Variants in MED13L observed in about 807,000 individuals in gnomAD.
The protein encoded by MED13L is mediator of RNA polymerase II transcription subunit 13-like.
In MED13L, 7 loss-of-function variants were observed where a neutral mutation model predicts 220.9. The ratio of observed to expected loss-of-function variants is 0.03; its 90% confidence interval spans 0.02 to 0.06. The LOEUF (loss-of-function observed/expected upper bound fraction) is 0.06. Among genes scored for constraint, MED13L ranks in the 10% least tolerant of loss-of-function variants. The pLI, the probability that MED13L is intolerant of heterozygous loss-of-function variation, is 1.00. For synonymous variants in MED13L, 1,011 were observed against 1,015.2 expected (o/e 1.00, Z 0.08); for missense variants, 1,965 against 2,760.5 (o/e 0.71, Z 6.46).
chr12:116,071,167 CTG>C (rs1419360021), intron 4 of MED13L, among the ~76,000 whole-genome samples: 1 of 151,766 alleles, frequency 6.6e-6, no homozygotes, highest in East Asian at 1.9e-4. Flanking sequence ...TTGAAGAAAA[CTG>C]AAAAATACCA....
chr12:116,106,660 C>T (rs762936307), intron 3 of MED13L, among the ~76,000 whole-genome samples: 16 of 152,192 alleles, frequency 1.1e-4, no homozygotes, highest in Non-Finnish European at 2.2e-4. Context: ...GCCTGGCCAA[C>T]ATGGTGATAC....
At chr12:116,247,173 T>C (rs1477903515) in intron 1 of MED13L, among the ~76,000 whole-genome samples, 1 of 152,084 alleles carries the variant, frequency 6.6e-6, no homozygotes, top group Non-Finnish European at 1.5e-5. Flanking sequence ...AATACTGTTC[T>C]TATAAACCTT....
chr12:116,269,569 A>G (rs987982347), intron 1 of MED13L, among the ~76,000 whole-genome samples: 5 of 152,116 alleles, frequency 3.3e-5, no homozygotes, highest in African/African-American at 1.2e-4. Context: ...GCTCATGCCA[A>G]TAATCCCAAC....
At chr12:116,175,637 C>T (rs955932227) in intron 2 of MED13L, among the ~76,000 whole-genome samples, 23 of 152,042 alleles carry the variant, frequency 1.5e-4, no homozygotes, top group African/African-American at 5.6e-4. Context: ...AGGCTAAAAA[C>T]AAGGAGACAA....
intron 2 of MED13L, among the ~76,000 whole-genome samples, chr12:116,147,708 T>C (rs2138075006): frequency 6.6e-6 from 1 of 152,224 alleles, no homozygotes; most frequent in South Asian, 2.1e-4. Context: ...TTTTTCTACC[T>C]TACAAGAAGA....
rs1247107968 is a variant in MED13L, at chr12:115,961,178, T to C, written c.*88A>G. On this transcript the variant is annotated 3_prime_UTR_variant, in exon 31 of 31. Transcript: ENST00000281928. The stretch of plus-strand genomic sequence containing the variant: ...GTGGAGAGTGGTCTGAAGAAAAGGA[T>C]GTGGGTTATTTGCAGAGTGTAGCAG... 2.0e-6 allele frequency: 3 copies of C among 1,526,614 alleles called. No individual in the cohort carries two copies. Among genetic ancestry groups the C allele is most frequent in the South Asian group, 1.1e-5 (1 of 88,496 alleles). The allele number at this position is 1,526,614 out of a possible 1,614,324, so 94.6% of individuals were successfully genotyped here.
intron 2 of MED13L, among the ~76,000 whole-genome samples, chr12:116,214,010 A>G (rs542462212): frequency 6.6e-6 from 1 of 152,168 alleles, no homozygotes; most frequent in Admixed American, 6.5e-5. Flanking sequence ...CCCTTGAAAA[A>G]CTGTGAAGTA....
chr12:116,225,076 T>TAA (rs1399483171), intron 2 of MED13L, among the ~76,000 whole-genome samples: 1 of 152,232 alleles, frequency 6.6e-6, no homozygotes, highest in Non-Finnish European at 1.5e-5. Context: ...CATAATACTA[T>TAA]AATTCTAAAT....
intron 2 of MED13L, among the ~76,000 whole-genome samples, chr12:116,134,709 CAT>C (rs1406465920): frequency 1.3e-5 from 2 of 152,100 alleles, no homozygotes; most frequent in Non-Finnish European, 2.9e-5. Context: ...TAAAAGACAA[CAT>C]GTCTTTTAAC....
At chr12:116,227,106 G>A (rs186916037) in intron 2 of MED13L, among the ~76,000 whole-genome samples, 34 of 152,170 alleles carry the variant, frequency 2.2e-4, no homozygotes, top group African/African-American at 4.8e-4. Context: ...AAGTTAAGCA[G>A]AGAGATCTAT....
intron 2 of MED13L, among the ~76,000 whole-genome samples, chr12:116,230,812 T>C (rs1399378098): frequency 3.9e-5 from 6 of 152,230 alleles, no homozygotes; most frequent in African/African-American, 1.2e-4. Context: ...CCGATGAAAT[T>C]ATTTTTACCA....
chr12:115,961,511 A>G, intron 30 of MED13L, 113 bp from the exon 31 acceptor site: 1 of 1,403,134 alleles, frequency 7.1e-7, no homozygotes, highest in Non-Finnish European at 9.9e-7. Flanking sequence ...GGCATTCCTT[A>G]ACTTGCCCCA....
intron 2 of MED13L, among the ~76,000 whole-genome samples, chr12:116,235,906 G>A (rs1290196860): frequency 2.6e-5 from 4 of 151,994 alleles, no homozygotes; most frequent in Non-Finnish European, 4.4e-5. Flanking sequence ...TAAAACGTAA[G>A]AGATTAATAC....
At chr12:116,174,640 G>A (rs1879916336) in intron 2 of MED13L, 1 of 152,132 alleles carries the variant, frequency 6.6e-6, no homozygotes, top group African/African-American at 2.4e-5. Flanking sequence ...ATGCCTATGG[G>A]ATAACTCTAT....
intron 2 of MED13L, among the ~76,000 whole-genome samples, chr12:116,200,765 G>A (rs935048894): frequency 1.4e-4 from 21 of 152,084 alleles, no homozygotes; most frequent in Non-Finnish European, 2.8e-4. Flanking sequence ...ATTTTTTAAT[G>A]ATTAAAAATA....
chr12:116,208,155 G>A (rs1882470566), intron 2 of MED13L, among the ~76,000 whole-genome samples: 1 of 152,206 alleles, frequency 6.6e-6, no homozygotes, highest in Non-Finnish European at 1.5e-5. Context: ...AGCACTTTGG[G>A]AGGCCGAGAC....
intron 15 of MED13L, 92 bp downstream of exon 15, chr12:115,996,918 A>ATG: frequency 2.3e-6 from 3 of 1,332,976 alleles, no homozygotes; most frequent in Non-Finnish European, 3.2e-6. Flanking sequence ...TTATGTATAT[A>ATG]TGGCACACAG....
chr12:116,052,078 T>C (rs376786238), intron 4 of MED13L, among the ~76,000 whole-genome samples: 4 of 149,500 alleles, frequency 2.7e-5, no homozygotes, highest in Non-Finnish European at 5.9e-5. Flanking sequence ...CCTACACACA[T>C]ACACACACAC....
At chr12:116,125,057 T>C (rs1222967530) in intron 2 of MED13L, among the ~76,000 whole-genome samples, 1 of 152,182 alleles carries the variant, frequency 6.6e-6, no homozygotes. Context: ...AAGAATGTGC[T>C]ACAAAATAAA....
Sources: allele counts gnomAD v4.1 joint callset (sites outside exome capture counted in the v4.1 genomes callset), GRCh38; gene constraint gnomAD v4.1.1; transcripts MANE v1.5; gene names NCBI Gene and HGNC (gene_info 2026-07-23, HGNC 2026-07-21).